The following DDX52 variants were observed in gnomAD, a reference collection of about 807,000 sequenced individuals.
DDX52 encodes DExD-box helicase 52.
Under a neutral mutation model 76.1 loss-of-function variants are expected in DDX52, and 59 were observed. The observed-to-expected ratio is 0.78, with a 90% CI of 0.63 to 0.96. The LOEUF (loss-of-function observed/expected upper bound fraction) is 0.96. DDX52 is among the 40% of genes least tolerant of loss of function. The pLI is 0.00. For missense variants in DDX52, 707 were observed against 703.9 expected (o/e 1.00, Z -0.05); for synonymous variants, 231 against 244.1 (o/e 0.95, Z 0.50).
intron 2 of DDX52, among the ~76,000 whole-genome samples, chr17:37,639,836 A>G (rs570065270): frequency 2.6e-5 from 4 of 151,896 alleles, no homozygotes; most frequent in Non-Finnish European, 5.9e-5. Context: ...ACATAGCTGT[A>G]TATTTCTGGT....
rs2064401036 is a variant in DDX52 at position 37,614,360 on chromosome 17, A to T, written c.1743-7T>A. 6.2e-7 allele frequency: 1 copy of T among 1,605,928 alleles called. No individual in the cohort carries two copies. The highest frequency in any genetic ancestry group is 1.7e-5 in the Admixed American group (1 of 57,658). ...CTGACCAGTGACCTTTTTCCTGTAA[A>T]GAGCAAAGTAAGAAAAATTGAATAA... On this transcript the variant is annotated splice_region_variant and splice_polypyrimidine_tract_variant and intron_variant, in intron 14 of 14. Coordinates refer to ENST00000617633, the MANE Select transcript of DDX52 (RefSeq NM_007010.5).
Position 37,613,453 on chromosome 17 carries a change from A to C in DDX52, c.*843T>G, listed in dbSNP as rs1327893039. 1.3e-5 allele frequency: 2 copies of C among 152,244 alleles called. No homozygotes were observed. Among genetic ancestry groups the C allele is most frequent in the African/African-American group, 4.8e-5 (2 of 41,456 alleles). The allele number at this position is 152,244 out of a possible 1,614,324, so 9.4% of individuals were successfully genotyped here. A position where few individuals can be genotyped will look rare whatever the true frequency, so the allele number is the denominator to read the frequency against. ...TAAAATATCTTAAATGGAAAGAGAC[A>C]GGAAAGAACATGGTTAAATCACAGA... On this transcript the variant is annotated 3_prime_UTR_variant, in exon 15 of 15. Coordinates refer to ENST00000617633, the MANE Select transcript of DDX52 (RefSeq NM_007010.5).
chr17:37,618,297 A>C lies in DDX52; in HGVS notation c.1737T>G (p.Asp579Glu), dbSNP rs769879118. ...TPKCFLEKAKDKQKKVTGQNS... is the reference protein window; with the variant it reads ...TPKCFLEKAKEKQKKVTGQNS... ...TTTTCTTACCACATACTTACTGTTT[A>C]TCCTTAGCTTTTTCTAAGAAACATT... The change falls in exon 14 of 15, where the codon GAT (aspartate) becomes GAG (glutamate). Residue 579 changes from aspartate to glutamate, a missense_variant. Coordinates refer to ENST00000617633, the MANE Select transcript of DDX52 (RefSeq NM_007010.5). 3 of 1,599,346 alleles carry C rather than the reference A, an allele frequency of 1.9e-6. No individual in the cohort carries two copies. Among genetic ancestry groups the C allele is most frequent in the Admixed American group, 3.6e-5 (2 of 56,086 alleles).
intron 3 of DDX52, among the ~76,000 whole-genome samples, 192 bp from the exon 4 acceptor site, chr17:37,632,490 G>A (rs1448551563): frequency 6.6e-6 from 1 of 152,168 alleles, no homozygotes; most frequent in African/African-American, 2.4e-5. Context: ...TTCATAAAAT[G>A]TCTATGCTTT....
intron 14 of DDX52, 103 bp from the exon 15 acceptor site, chr17:37,614,456 G>T: frequency 8.9e-7 from 1 of 1,124,988 alleles, no homozygotes; most frequent in Non-Finnish European, 1.3e-6. Context: ...AACCTACTGT[G>T]TATCAAATAA....
Position 37,625,947 on chromosome 17 carries a change from G to A in DDX52, c.1084C>T (p.Gln362Ter), listed in dbSNP as rs774370402. 5 of 1,614,114 alleles carry A rather than the reference G, an allele frequency of 3.1e-6. No individual in the cohort carries two copies. In the Admixed American group the frequency reaches 8.3e-5, roughly 27 times the overall value. ...FSATFAYDVE[Q>*]WCKLNLDNVI... ...TTGTCCAGGTTGAGTTTGCACCACT[G>A]TTCAACATCATATGCAAAAGTTGCA... The change falls in exon 8 of 15, where the codon CAG becomes TAG. Residue 362 changes from glutamine (Q) to a stop codon, truncating the protein, a stop_gained. Transcript: ENST00000617633. LOFTEE classifies it high-confidence loss of function.
At chr17:37,621,859 GAAAT>G (rs1181344874) in intron 9 of DDX52, among the ~76,000 whole-genome samples, 1 of 152,144 alleles carries the variant, frequency 6.6e-6, no homozygotes, top group Non-Finnish European at 1.5e-5. Context: ...TGCTTAAAAT[GAAAT>G]AATTATCTTT....
In DDX52 at chr17:37,614,114, G is replaced by T; in HGVS notation, c.*182C>A. ...CCTCATCTCTACAGGAAAAAAAAAA[G>T]GCACCTACAAATTGAAACTGACTTG... is the stretch of plus-strand genomic sequence containing the variant. On this transcript the variant is annotated 3_prime_UTR_variant, in exon 15 of 15. Transcript: ENST00000617633. The T allele has an allele frequency of 1.6e-6, 1 of 609,500 alleles. No homozygotes were observed. 37.8% of individuals were successfully genotyped at this position (609,500 alleles called of 1,614,324 possible).
chr17:37,615,198 A>G (rs1339703126), intron 14 of DDX52, among the ~76,000 whole-genome samples: 2 of 152,228 alleles, frequency 1.3e-5, no homozygotes, highest in African/African-American at 4.8e-5. Flanking sequence ...CATTAAGGAA[A>G]CATCTATAGC....
intron 2 of DDX52, among the ~76,000 whole-genome samples, chr17:37,641,168 G>A (rs1020238641): frequency 1.3e-5 from 2 of 151,722 alleles, no homozygotes; most frequent in African/African-American, 4.8e-5. Flanking sequence ...AGGCGGAGGC[G>A]GAGGAGGGTG....
Position 37,642,242 on chromosome 17 carries a change from T to G in DDX52, c.154A>C (p.Lys52Gln). 6.2e-7 allele frequency: 1 copy of G among 1,614,156 alleles called. No individual in the cohort carries two copies. The highest frequency in any genetic ancestry group is 1.7e-5 in the Admixed American group (1 of 60,014). The change falls in exon 2 of 15, where the codon AAG becomes CAG. Residue 52 changes from lysine to glutamine, a missense_variant. By Grantham distance (53) the Lys-to-Gln change is moderately conservative (BLOSUM62 1). Coordinates refer to ENST00000617633, the MANE Select transcript of DDX52 (RefSeq NM_007010.5). ...CCACACACACCTGGGACAGACTTCT[T>G]GTTTCCAAAAAAGTCCAGTCCCTGA... ...VLQGLDFFGN[K>Q]KSVPGVCGAS...
chr17:37,628,715 G>T, intron 5 of DDX52, 43 bp from the exon 6 acceptor site: 1 of 1,369,228 alleles, frequency 7.3e-7, no homozygotes. Context: ...TAACATACTT[G>T]GACAAGATGT....
chr17:37,641,539 C>G (rs1240242217), intron 2 of DDX52, among the ~76,000 whole-genome samples: 2 of 152,050 alleles, frequency 1.3e-5, no homozygotes, highest in African/African-American at 4.8e-5. Context: ...GTGATCCAGG[C>G]CATCGTGGCC....
At chr17:37,622,487 G>C (rs186994981) in intron 9 of DDX52, among the ~76,000 whole-genome samples, 10 of 151,870 alleles carry the variant, frequency 6.6e-5, no homozygotes, top group Admixed American at 5.3e-4. Context: ...GTAGAGATGG[G>C]GTTTCACCAT....
rs750374898 is a variant in DDX52 at position 37,621,269 on chromosome 17, G to A, written c.1359C>T (p.Asn453=). The A allele has an allele frequency of 4.2e-5, 68 of 1,610,434 alleles. No homozygotes were observed. In the Middle Eastern group the frequency reaches 6.6e-4, roughly 16 times the overall value. Residue 453 remains asparagine (N), a synonymous_variant, in exon 11 of 15, where the codon AAC becomes AAT. Coordinates refer to ENST00000617633, the MANE Select transcript of DDX52 (RefSeq NM_007010.5). The part of the protein sequence containing the change: ...HAERTQQQRD[N]TVHSFRAGKI... ...TTCCTGCTCTGAAACTGTGGACTGTGTTATCTCTCTGGTTAACAGAATATA... is the reference window on the plus strand; with the variant it reads ...TTCCTGCTCTGAAACTGTGGACTGTATTATCTCTCTGGTTAACAGAATATA...
intron 4 of DDX52, 152 bp downstream of exon 4, chr17:37,631,960 TG>T: frequency 9.7e-7 from 1 of 1,026,792 alleles, no homozygotes; most frequent in Non-Finnish European, 1.4e-6. Flanking sequence ...ACAACTTTTA[TG>T]GAGGCACAGG....
At chr17:37,639,388 C>T (rs927829840) in intron 2 of DDX52, 95 of 988,122 alleles carry the variant, frequency 9.6e-5, no homozygotes, top group Non-Finnish European at 1.1e-4. Flanking sequence ...ACAGTTGGTA[C>T]TAAATGACCC....
intron 2 of DDX52, among the ~76,000 whole-genome samples, chr17:37,641,758 T>C (rs967726564): frequency 6.6e-6 from 1 of 152,056 alleles, no homozygotes; most frequent in Non-Finnish European, 1.5e-5. Context: ...TTTCATTCAT[T>C]AGCTTGGCAA....
chr17:37,618,832 A>C lies in DDX52; in HGVS notation c.1650-448T>G, dbSNP rs73984276. Among the ~76,000 whole-genome samples the C allele has an allele frequency of 7.9e-4, 121 of 152,274 alleles. 1 individual carries two copies. The highest frequency in any genetic ancestry group is 2.8e-3 in the African/African-American group (116 of 41,556). On this transcript the variant is annotated intron_variant, in intron 13 of 14. Coordinates refer to ENST00000617633, the MANE Select transcript of DDX52 (RefSeq NM_007010.5). ...ATTTACTGGTTTAAGGTGGGGCTGTAACTACTTTAATAAACGAGATCGCCT... is the reference window on the plus strand; with the variant it reads ...ATTTACTGGTTTAAGGTGGGGCTGTCACTACTTTAATAAACGAGATCGCCT...
Sources: allele counts gnomAD v4.1 joint callset (sites outside exome capture counted in the v4.1 genomes callset), GRCh38; gene constraint gnomAD v4.1.1; transcripts MANE v1.5; gene names NCBI Gene and HGNC (gene_info 2026-07-23, HGNC 2026-07-21).